The following DCDC1 variants were observed in gnomAD, a reference collection of about 807,000 sequenced individuals.
The protein encoded by DCDC1 is doublecortin domain containing 1.
DCDC1 carries 200 observed loss-of-function variants against 178.3 expected under a neutral mutation model. The ratio of observed to expected loss-of-function variants is 1.12; its 90% CI spans 1.00 to 1.26. DCDC1 has a LOEUF of 1.26. Ranked by LOEUF, DCDC1 falls within the 50% of genes most tolerant of loss-of-function variation. DCDC1 has a pLI of 0.00. For missense variants in DCDC1, 1,983 were observed against 1,749.2 expected (o/e 1.13, Z -2.38); for synonymous variants, 690 against 604.8 (o/e 1.14, Z -2.07).
intron 38 of DCDC1, among the ~76,000 whole-genome samples, chr11:30,870,310 C>T (rs1199037496): frequency 2.6e-5 from 4 of 152,054 alleles, no homozygotes; most frequent in African/African-American, 7.2e-5. Flanking sequence ...TCAACCTTCC[C>T]ATGGGAGCTG....
chr11:31,025,818 C>T (rs1267387234), intron 20 of DCDC1, among the ~76,000 whole-genome samples: 1 of 151,680 alleles, frequency 6.6e-6, no homozygotes, highest in Admixed American at 6.6e-5. Context: ...AATAAGCATT[C>T]ATCTCACAGA....
At chr11:30,905,737 T>A (rs902399559) in intron 30 of DCDC1, among the ~76,000 whole-genome samples, 1 of 152,220 alleles carries the variant, frequency 6.6e-6, no homozygotes, top group Non-Finnish European at 1.5e-5. Flanking sequence ...TCCTTAAGAT[T>A]ATCCCACTAT....
chr11:30,919,678 C>T (rs552363349), intron 25 of DCDC1, among the ~76,000 whole-genome samples: 3 of 152,060 alleles, frequency 2.0e-5, no homozygotes, highest in South Asian at 4.1e-4. Flanking sequence ...GTCATAGGAC[C>T]AACTGAATCA....
intron 9 of DCDC1, among the ~76,000 whole-genome samples, chr11:31,228,923 C>A (rs1975377782): frequency 6.6e-6 from 1 of 151,858 alleles, no homozygotes; most frequent in African/African-American, 2.4e-5. Flanking sequence ...GAGAGAAGGG[C>A]TGAAAAACTA....
chr11:30,866,100 A>G (rs1940953099), intron 38 of DCDC1, among the ~76,000 whole-genome samples: 1 of 152,170 alleles, frequency 6.6e-6, no homozygotes, highest in Admixed American at 6.5e-5. Flanking sequence ...TGTCCTTACA[A>G]CAATGGGAAA....
chr11:30,892,926 G>A lies in DCDC1; in HGVS notation c.4974C>T (p.Val1658=), dbSNP rs764427413. 1 of 1,613,834 alleles carries A rather than the reference G, an allele frequency of 6.2e-7. No homozygotes were observed. The highest frequency in any genetic ancestry group is 8.5e-7 in the Non-Finnish European group (1 of 1,179,864). The stretch of plus-strand genomic sequence containing the variant: ...GCTGCTTATACAGGTTGCTCGGCTT[G>A]ACTGCTATACGTTTGGTTGCAATTG... The part of the protein sequence containing the change: ...NFPIATKRIA[V]KPSNLYKQPN... The change falls in exon 36 of 39, where the codon GTC becomes GTT. Residue 1658 remains valine, a synonymous_variant. Coordinates refer to ENST00000684477, the MANE Select transcript of DCDC1 (RefSeq NM_001387274.1).
At chr11:31,121,303 C>T (rs1051149873) in intron 11 of DCDC1, among the ~76,000 whole-genome samples, 1 of 151,500 alleles carries the variant, frequency 6.6e-6, no homozygotes, top group African/African-American at 2.4e-5. Flanking sequence ...AATGCAATTA[C>T]AGGTGATACA....
chr11:31,227,050 T>C (rs971079496), intron 9 of DCDC1, among the ~76,000 whole-genome samples: 2 of 152,036 alleles, frequency 1.3e-5, no homozygotes, highest in East Asian at 1.9e-4. Context: ...GCTAAATATA[T>C]AAACAAAACA....
At chr11:31,124,897 A>G (rs1436080613) in intron 11 of DCDC1, among the ~76,000 whole-genome samples, 1 of 152,180 alleles carries the variant, frequency 6.6e-6, no homozygotes, top group East Asian at 1.9e-4. Flanking sequence ...AATCACCAAA[A>G]GCAATCACAA....
Position 30,914,637 on chromosome 11 carries a change from A to C in DCDC1, c.3653+874T>G, listed in dbSNP as rs926262502. Among the ~76,000 whole-genome samples, 834 of 148,190 alleles carry C rather than the reference A, an allele frequency of 5.6e-3. 4 individuals carry two copies. The highest frequency in any genetic ancestry group is 0.02 in the African/African-American group (795 of 39,936). ...AGAAATGTTCCATATGCACCCAAAAAAAAAAAAAAAAAAAAAGAGAGAGAG... is the reference window on the plus strand; with the variant it reads ...AGAAATGTTCCATATGCACCCAAAACAAAAAAAAAAAAAAAAGAGAGAGAG... On this transcript the variant is annotated intron_variant, in intron 27 of 38. Transcript: ENST00000684477.
intron 28 of DCDC1, 79 bp from the exon 29 acceptor site, chr11:30,909,195 A>G (rs2134163290): frequency 7.9e-7 from 1 of 1,266,744 alleles, no homozygotes; most frequent in East Asian, 2.5e-5. Flanking sequence ...GCATATATCC[A>G]GAAAGTGCAG....
intron 9 of DCDC1, among the ~76,000 whole-genome samples, chr11:31,171,880 A>C (rs1591300272): frequency 6.6e-6 from 1 of 152,250 alleles, no homozygotes; most frequent in South Asian, 2.1e-4. Flanking sequence ...TAGCTCATCA[A>C]GGTAAGCTTA....
rs1361214152 is a variant in DCDC1, at chr11:30,874,260, C to A, written c.*40+4284G>T. On this transcript the variant is annotated intron_variant, in intron 38 of 38. Transcript: ENST00000684477. Reference sequence around the variant, plus strand: ...TTCTTCCCAGGTGCTTGTTAAAATGCAGATTCCTTATACCTTAGGCATAGA... The same window carrying A: ...TTCTTCCCAGGTGCTTGTTAAAATGAAGATTCCTTATACCTTAGGCATAGA... Among the ~76,000 whole-genome samples the A allele has an allele frequency of 2.0e-5, 3 of 152,238 alleles. No homozygotes were observed. The East Asian group carries it at 5.8e-4, about 29-fold the overall frequency.
At chr11:31,279,244 T>C (rs76773851) in intron 7 of DCDC1, among the ~76,000 whole-genome samples, 2 of 151,420 alleles carry the variant, frequency 1.3e-5, no homozygotes, top group African/African-American at 4.8e-5. Flanking sequence ...ATTTTCTTTT[T>C]TTTGTGTGTG....
At chr11:30,898,999 C>T (rs953592613) in intron 34 of DCDC1, among the ~76,000 whole-genome samples, 1 of 151,862 alleles carries the variant, frequency 6.6e-6, no homozygotes, top group Non-Finnish European at 1.5e-5. Context: ...AGAAGGAGAC[C>T]AATAATTGAT....
intron 20 of DCDC1, among the ~76,000 whole-genome samples, chr11:30,961,894 C>G (rs941610662): frequency 2.0e-5 from 3 of 151,948 alleles, no homozygotes; most frequent in Non-Finnish European, 4.4e-5. Flanking sequence ...GTACTCTGGA[C>G]AGGGAACAAA....
intron 3 of DCDC1, among the ~76,000 whole-genome samples, chr11:31,327,830 C>T (rs1216070917): frequency 2.0e-5 from 3 of 151,998 alleles, no homozygotes; most frequent in African/African-American, 4.8e-5. Context: ...TAGGATCAAG[C>T]GATTCTCCTG....
At chr11:30,878,425 G>T in intron 38 of DCDC1, 119 bp downstream of exon 38, 1 of 977,874 alleles carries the variant, frequency 1.0e-6, no homozygotes, top group Non-Finnish European at 1.4e-6. Context: ...CTACACTCCA[G>T]CCTGGGTGAC....
chr11:31,074,804 G>A (rs1956770332), intron 18 of DCDC1, among the ~76,000 whole-genome samples: 1 of 152,114 alleles, frequency 6.6e-6, no homozygotes, highest in Admixed American at 6.5e-5. Context: ...TGAAAAAGCA[G>A]GATAGACAAA....
Sources: gnomAD v4.1 joint callset for allele counts (sites outside exome capture counted in the v4.1 genomes callset) on GRCh38, gnomAD v4.1.1 for gene constraint, MANE v1.5 for transcripts, NCBI Gene and HGNC (gene_info 2026-07-23, HGNC 2026-07-21) for gene names.